EIPR1: variants seen among roughly 807,000 people sequenced by gnomAD.
The protein encoded by EIPR1 is EARP complex and GARP complex interacting protein 1, also known as EARP and GARP complex-interacting protein 1.
A neutral mutation model predicts 48.1 loss-of-function variants in EIPR1; 25 were observed. The observed-to-expected ratio is 0.52, with a 90% CI of 0.38 to 0.73. The LOEUF (loss-of-function observed/expected upper bound fraction) is 0.73. EIPR1 is among the 30% of genes least tolerant of loss of function. EIPR1 has a pLI of 0.00. For missense variants in EIPR1, 415 were observed against 506.2 expected (o/e 0.82, Z 1.73); for synonymous variants, 204 against 201.9 (o/e 1.01, Z -0.09).
intron 3 of EIPR1, among the ~76,000 whole-genome samples, chr2:3,283,565 A>T (rs777009025): frequency 1.3e-5 from 2 of 152,232 alleles, no homozygotes; most frequent in Non-Finnish European, 1.5e-5. Flanking sequence ...AAAACTCGCC[A>T]TGCCTTCCCC....
chr2:3,353,354 T>A, intron 2 of EIPR1: 1 of 469,268 alleles, frequency 2.1e-6, no homozygotes. Context: ...GCACTTTGCT[T>A]TTTTACACCA....
intron 3 of EIPR1, among the ~76,000 whole-genome samples, chr2:3,294,376 CCT>C (rs1668464345): frequency 7.1e-6 from 1 of 140,878 alleles, no homozygotes; most frequent in African/African-American, 2.7e-5. Flanking sequence ...TCCAGGCCAT[CCT>C]CTCTCCACAC....
chr2:3,249,582 TC>T (rs1666943347), intron 4 of EIPR1, among the ~76,000 whole-genome samples: 1 of 152,166 alleles, frequency 6.6e-6, no homozygotes, highest in Non-Finnish European at 1.5e-5. Flanking sequence ...AGGGGAAGAA[TC>T]CAAGAGGGCT....
At chr2:3,283,342 T>TG (rs1668073613) in intron 3 of EIPR1, among the ~76,000 whole-genome samples, 1 of 152,164 alleles carries the variant, frequency 6.6e-6, no homozygotes, top group Non-Finnish European at 1.5e-5. Flanking sequence ...CCAACAAACA[T>TG]GGAGGCACCC....
At chr2:3,369,747 T>G (rs964652797) in intron 1 of EIPR1, among the ~76,000 whole-genome samples, 2 of 152,182 alleles carry the variant, frequency 1.3e-5, no homozygotes, top group Non-Finnish European at 1.5e-5. Context: ...TCGAACTGGG[T>G]GGAGCGCACC....
intron 3 of EIPR1, among the ~76,000 whole-genome samples, chr2:3,336,331 G>C (rs1670040654): frequency 6.6e-6 from 1 of 152,210 alleles, no homozygotes; most frequent in Non-Finnish European, 1.5e-5. Context: ...TCGGCACAGA[G>C]AGCAGACAAA....
At chr2:3,296,569 A>ACC (rs1668606372) in intron 3 of EIPR1, among the ~76,000 whole-genome samples, 1 of 61,208 alleles carries the variant, frequency 1.6e-5, no homozygotes, top group Non-Finnish European at 3.3e-5. Flanking sequence ...ACACACACAC[A>ACC]CTCCATCCAG....
chr2:3,243,587 C>T (rs942736359), intron 4 of EIPR1, among the ~76,000 whole-genome samples: 5 of 152,038 alleles, frequency 3.3e-5, no homozygotes, highest in African/African-American at 9.7e-5. Context: ...GCCGAGATCG[C>T]GCCACTGCAC....
At chr2:3,331,074 C>T in intron 3 of EIPR1, among the ~76,000 whole-genome samples, 1 of 118,248 alleles carries the variant, frequency 8.5e-6, no homozygotes, top group Admixed American at 8.0e-5. Flanking sequence ...AAGATGGGCA[C>T]ACACTCATGA....
At chr2:3,192,214 C>T (rs1032273311) in intron 8 of EIPR1, among the ~76,000 whole-genome samples, 200 bp downstream of exon 8, 2 of 152,240 alleles carry the variant, frequency 1.3e-5, no homozygotes, top group South Asian at 2.1e-4. Context: ...CTAACCCTAA[C>T]GCACCTGCAG....
At chr2:3,344,864 T>G (rs1357707573) in intron 2 of EIPR1, among the ~76,000 whole-genome samples, 5 of 151,908 alleles carry the variant, frequency 3.3e-5, no homozygotes, top group Non-Finnish European at 7.4e-5. Flanking sequence ...GCCAGGCCCA[T>G]AAGCACTGGA....
At chr2:3,283,239 G>C (rs1380730715) in intron 3 of EIPR1, among the ~76,000 whole-genome samples, 3 of 152,176 alleles carry the variant, frequency 2.0e-5, no homozygotes, top group Non-Finnish European at 4.4e-5. Context: ...GGTCCATGCA[G>C]CAAATGCACC....
chr2:3,254,334 G>A (rs1572359608), intron 4 of EIPR1, among the ~76,000 whole-genome samples: 1 of 152,264 alleles, frequency 6.6e-6, no homozygotes, highest in African/African-American at 2.4e-5. Flanking sequence ...TAACTGAGCC[G>A]AGAGAAATAA....
At chr2:3,253,638 T>C (rs193189963) in intron 4 of EIPR1, among the ~76,000 whole-genome samples, 6 of 152,330 alleles carry the variant, frequency 3.9e-5, no homozygotes, top group African/African-American at 9.6e-5. Flanking sequence ...TCTGCTTCCA[T>C]AGGCTGCCTG....
At chr2:3,230,859 A>G (rs576658832) in intron 4 of EIPR1, among the ~76,000 whole-genome samples, 90 of 152,186 alleles carry the variant, frequency 5.9e-4, no homozygotes, top group African/African-American at 1.8e-3. Context: ...GAATTTCAGG[A>G]CTTTTATTTC....
intron 3 of EIPR1, among the ~76,000 whole-genome samples, chr2:3,306,990 G>A (rs371246259): frequency 1.3e-5 from 2 of 151,486 alleles, no homozygotes; most frequent in African/African-American, 4.9e-5. Context: ...TTTTTTTGGA[G>A]GGAGTCTTGC....
At chr2:3,305,681 C>T (rs1398909289) in intron 3 of EIPR1, among the ~76,000 whole-genome samples, 1 of 152,206 alleles carries the variant, frequency 6.6e-6, no homozygotes, top group Non-Finnish European at 1.5e-5. Flanking sequence ...GGGGGACCTG[C>T]CCGCCCTCCA....
intron 3 of EIPR1, among the ~76,000 whole-genome samples, chr2:3,297,058 A>G (rs1006744306): frequency 6.6e-6 from 1 of 151,994 alleles, no homozygotes; most frequent in African/African-American, 2.4e-5. Flanking sequence ...TACCAGAATC[A>G]CTTCCTTTTG....
chr2:3,196,579 T>C (rs999956985), intron 6 of EIPR1, among the ~76,000 whole-genome samples: 4 of 152,204 alleles, frequency 2.6e-5, no homozygotes, highest in African/African-American at 9.6e-5. Flanking sequence ...GTGGTCCCCA[T>C]CTCGCTCAGT....
Sources: gnomAD v4.1 joint callset for allele counts (sites outside exome capture counted in the v4.1 genomes callset) on GRCh38, gnomAD v4.1.1 for gene constraint, MANE v1.5 for transcripts, NCBI Gene and HGNC (gene_info 2026-07-23, HGNC 2026-07-21) for gene names.